Variants in TUBA1B observed in about 807,000 individuals in gnomAD.
TUBA1B encodes tubulin alpha-1B chain.
In TUBA1B, 1 loss-of-function variant was observed where a neutral mutation model predicts 34.4. The ratio of observed to expected loss-of-function variants is 0.03; its 90% CI spans 0.01 to 0.14. The LOEUF is 0.14. Among genes scored for constraint, TUBA1B ranks in the 10% least tolerant of loss-of-function variants. The probability of loss-of-function intolerance (pLI) is 1.00; values close to 1 mark genes in which losing one functional copy is unlikely to be tolerated. For synonymous variants in TUBA1B, 197 were observed against 212.5 expected, an observed-to-expected ratio of 0.93 and a Z score of 0.64; for missense variants, 54 against 583.6, an observed-to-expected ratio of 0.09 and a Z score of 9.35.
Position 49,128,219 on chromosome 12 carries a change from A to G in TUBA1B, c.1095T>C (p.Gly365=), listed in dbSNP as rs771010427. The G allele has an allele frequency of 1.8e-5, 29 of 1,614,022 alleles. 1 individual carries two copies. The highest frequency in any genetic ancestry group is 1.1e-4 in the South Asian group (10 of 91,096). ...CTCTCTGTACCTTGGCCAGGTCTCC[A>G]CCAGGCACCACAGTGGGAGGCTGGT... ...INYQPPTVVP[G]GDLAKVQRAV... is the part of the protein sequence containing the mutation. The change falls in exon 4 of 4, where the codon GGT becomes GGC. Residue 365 remains glycine (G), a synonymous_variant. Coordinates refer to ENST00000336023, the MANE Select transcript of TUBA1B (RefSeq NM_006082.3). The surrounding 1 kb of genome is among the most constrained non-coding windows in gnomAD (Gnocchi z 8.1).
chr12:49,130,362 T>C lies in TUBA1B; in HGVS notation c.4-640A>G, dbSNP rs149203794. On this transcript the variant is annotated intron_variant, in intron 1 of 3. Coordinates refer to ENST00000336023, the MANE Select transcript of TUBA1B (RefSeq NM_006082.3). The stretch of plus-strand genomic sequence containing the variant: ...GCGGGGCTCTGCGGCACAGGATGAA[T>C]GAGCAATTCCGGGCGCGCGCTCTTG... The C allele has an allele frequency of 5.4e-6, 7 of 1,289,100 alleles. No individual in the cohort carries two copies. The South Asian group carries it at 6.2e-5, about 11-fold the overall frequency. The allele number at this position is 1,289,100 out of a possible 1,614,324, so 79.9% of individuals were successfully genotyped here. A position where few individuals can be genotyped will look rare whatever the true frequency, so the allele number is the denominator to read the frequency against.
Position 49,131,325 on chromosome 12 carries a change from G to A in TUBA1B, c.-25C>T, listed in dbSNP as rs201062787. 1 of 1,610,606 alleles carries A rather than the reference G, an allele frequency of 6.2e-7. No homozygotes were observed. Among genetic ancestry groups the A allele is most frequent in the Non-Finnish European group, 8.5e-7 (1 of 1,178,564 alleles). The stretch of plus-strand genomic sequence containing the variant: ...TAGTGGCTAGGGATTAGGAGGCGAA[G>A]GCGACAGGAGCAGACACCGGGTCCC... On this transcript the variant is annotated 5_prime_UTR_variant, in exon 1 of 4. Transcript: ENST00000336023.
chr12:49,131,157 G>T, intron 1 of TUBA1B, 141 bp downstream of exon 1: 1 of 1,074,076 alleles, frequency 9.3e-7, no homozygotes, highest in Non-Finnish European at 1.4e-6. Flanking sequence ...CTCCCGCCCT[G>T]GCCTCTCGCC....
At chr12:49,130,425 C>G (rs1462037863) in intron 1 of TUBA1B, 11 of 1,203,334 alleles carry the variant, frequency 9.1e-6, no homozygotes, top group Admixed American at 7.0e-5. Flanking sequence ...GAAATGGCCA[C>G]GTCTGCAAAG....
At chr12:49,131,241 C>T (rs1162972406) in intron 1 of TUBA1B, 57 bp downstream of exon 1, 2 of 1,577,784 alleles carry the variant, frequency 1.3e-6, no homozygotes, top group Non-Finnish European at 1.7e-6. Context: ...CAGCGCCCCG[C>T]CGGCTCGCTT....
chr12:49,128,693 C>T lies in TUBA1B; in HGVS notation c.621G>A (p.Glu207=), dbSNP rs772774499. The stretch of plus-strand genomic sequence containing the variant: ...TTCTACGACAGATGTCATAGATGGC[C>T]TCATTGTCTACCATGAAGGCACAAT... The part of the protein sequence containing the change: ...HSDCAFMVDN[E]AIYDICRRNL... The change falls in exon 4 of 4, where the codon GAG becomes GAA. Residue 207 remains glutamate (E), a synonymous_variant. Coordinates refer to ENST00000336023, the MANE Select transcript of TUBA1B (RefSeq NM_006082.3). This position sits in a 1 kb window ranked among gnomAD's most constrained non-coding sequence, Gnocchi z 8.1. 107 of 1,608,684 alleles carry T rather than the reference C, an allele frequency of 6.7e-5. 1 individual carries two copies. In the South Asian group the frequency reaches 1.1e-3, roughly 17 times the overall value.
In TUBA1B at chr12:49,129,164, A is replaced by T; in HGVS notation, c.375+78T>A. The stretch of plus-strand genomic sequence containing the variant: ...ACATTTTGGTAGGTGCCAAAGAATG[A>T]ATGATGTCAGTCACTCCACCCAACT... On this transcript the variant is annotated intron_variant, in intron 3 of 3. Transcript: ENST00000336023. 2.5e-6 allele frequency: 4 copies of T among 1,609,988 alleles called. No homozygotes were observed. The South Asian group carries it at 4.4e-5, about 18-fold the overall frequency.
intron 1 of TUBA1B, chr12:49,130,990 G>A (rs1565615824): frequency 1.2e-5 from 4 of 341,132 alleles, no homozygotes; most frequent in Non-Finnish European, 1.1e-5. Flanking sequence ...GGGGACTCGA[G>A]GGACCGCACC....
rs149584000 is a variant in TUBA1B, at chr12:49,128,924, G to A, written c.390C>T (p.Thr130=). The A allele has an allele frequency of 1.6e-4, 260 of 1,610,970 alleles. No individual in the cohort carries two copies. Among genetic ancestry groups the A allele is most frequent in the African/African-American group, 2.4e-4 (18 of 74,632 alleles). ...GGAAAACCAAGAAGCCCTGAAGACC[G>A]GTGCACTGGTCAGCCTGTAGGGGAA... is the stretch of plus-strand genomic sequence containing the variant. ...DRIRKLADQC[T]GLQGFLVFHS... Residue 130 remains threonine, a synonymous_variant, in exon 4 of 4, where the codon ACC becomes ACT. Coordinates refer to ENST00000336023, the MANE Select transcript of TUBA1B (RefSeq NM_006082.3). This position sits in a 1 kb window ranked among gnomAD's most constrained non-coding sequence, Gnocchi z 8.1.
chr12:49,129,198 A>T, intron 3 of TUBA1B, 44 bp downstream of exon 3: 1 of 1,612,512 alleles, frequency 6.2e-7, no homozygotes, highest in Non-Finnish European at 8.5e-7. Context: ...CTTGCACTGG[A>T]ACTATCACAC....
chr12:49,127,809 A>AT lies in TUBA1B; in HGVS notation c.*148dup. 1.6e-6 allele frequency: 2 copies of AT among 1,272,724 alleles called. No individual in the cohort carries two copies. Among genetic ancestry groups the AT allele is most frequent in the South Asian group, 2.9e-5 (2 of 68,128 alleles). The allele number at this position is 1,272,724 out of a possible 1,614,324, so 78.8% of individuals were successfully genotyped here. On this transcript the variant is annotated 3_prime_UTR_variant, in exon 4 of 4. Transcript: ENST00000336023. Reference sequence around the variant, plus strand: ...TTGATGTTAATGACTTTACTTTGAGATATGATGGAAAAATATTACAGGTAC... The same window carrying AT: ...TTGATGTTAATGACTTTACTTTGAGATTATGATGGAAAAATATTACAGGTAC...
rs1370848714 is a variant in TUBA1B, at chr12:49,131,341, A to G, written c.-41T>C. Reference sequence around the variant, plus strand: ...GGAGGCGAAGGCGACAGGAGCAGACACCGGGTCCCGGTTACCGTCCCCGAC... The same window carrying G: ...GGAGGCGAAGGCGACAGGAGCAGACGCCGGGTCCCGGTTACCGTCCCCGAC... On this transcript the variant is annotated 5_prime_UTR_variant, in exon 1 of 4. Transcript: ENST00000336023. 2 of 1,608,634 alleles carry G rather than the reference A, an allele frequency of 1.2e-6. No homozygotes were observed. Among genetic ancestry groups the G allele is most frequent in the Non-Finnish European group, 1.7e-6 (2 of 1,177,720 alleles).
At chr12:49,130,210 A>C (rs1408406741) in intron 1 of TUBA1B, 1 of 1,274,376 alleles carries the variant, frequency 7.8e-7, no homozygotes, top group South Asian at 1.3e-5. Flanking sequence ...GAAGGTGGGC[A>C]TCCATCCAGC....
At chr12:49,129,798 A>G (rs1345314977) in intron 1 of TUBA1B, 76 bp from the exon 2 acceptor site, 9 of 1,598,066 alleles carry the variant, frequency 5.6e-6, no homozygotes, top group Non-Finnish European at 1.7e-6. Context: ...ATACTCATGC[A>G]ATCTTTATTT....
Position 49,128,486 on chromosome 12 carries a change from G to A in TUBA1B, c.828C>T (p.Ile276=), listed in dbSNP as rs752637271. The A allele has an allele frequency of 6.2e-7, 1 of 1,613,882 alleles. No individual in the cohort carries two copies. Among genetic ancestry groups the A allele is most frequent in the Non-Finnish European group, 8.5e-7 (1 of 1,180,038 alleles). Residue 276 remains isoleucine, a synonymous_variant, in exon 4 of 4, where the codon ATC becomes ATT. Coordinates refer to ENST00000336023, the MANE Select transcript of TUBA1B (RefSeq NM_006082.3). The surrounding 1 kb of genome is among the most constrained non-coding windows in gnomAD (Gnocchi z 8.1). The part of the protein sequence containing the change: ...HFPLATYAPV[I]SAEKAYHEQL... ...GTTCATGGTAGGCTTTCTCAGCAGA[G>A]ATGACAGGGGCATATGTGGCCAGAG... is the stretch of plus-strand genomic sequence containing the variant.
intron 1 of TUBA1B, chr12:49,129,979 G>T: frequency 1.0e-6 from 1 of 994,586 alleles, no homozygotes; most frequent in Non-Finnish European, 1.4e-6. Flanking sequence ...ATGAGGTCTG[G>T]CTGTGTTACC....
intron 3 of TUBA1B, 134 bp from the exon 4 acceptor site, chr12:49,129,072 C>G: frequency 6.6e-7 from 1 of 1,522,766 alleles, no homozygotes. Flanking sequence ...GACATATCCA[C>G]AAACTGTCCA....
intron 1 of TUBA1B, chr12:49,130,974 G>C (rs1438085501): frequency 3.3e-6 from 1 of 299,284 alleles, no homozygotes; most frequent in South Asian, 4.4e-5. Flanking sequence ...CGCTGGAAAG[G>C]ACTGCGGGGA....
In TUBA1B at chr12:49,131,365, A is replaced by G; in HGVS notation, c.-65T>C. 6.3e-7 allele frequency: 1 copy of G among 1,592,186 alleles called. No homozygotes were observed. Among genetic ancestry groups the G allele is most frequent in the East Asian group, 2.2e-5 (1 of 44,484 alleles). On this transcript the variant is annotated 5_prime_UTR_variant, in exon 1 of 4. Transcript: ENST00000336023. ...CACCGGGTCCCGGTTACCGTCCCCG[A>G]CAAGCTAAGAGTCGAGGTAAGTAAC... is the stretch of plus-strand genomic sequence containing the variant.
Sources: allele counts gnomAD v4.1 joint callset, GRCh38; gene constraint gnomAD v4.1.1; non-coding constraint Gnocchi (gnomAD v3.1); transcripts MANE v1.5; gene names NCBI Gene and HGNC (gene_info 2026-07-23, HGNC 2026-07-21).